CRLF2: variants seen among roughly 807,000 people sequenced by gnomAD.
CRLF2 encodes cytokine receptor like factor 2, also known as cytokine receptor-like factor 2.
In CRLF2, 41 loss-of-function variants were observed where a neutral mutation model predicts 38.7. That is an observed-to-expected ratio of 1.06 (90% CI 0.83 to 1.37). The LOEUF is 1.37. Among genes scored for constraint, CRLF2 ranks in the 40% most tolerant of loss-of-function variants. The probability of loss-of-function intolerance (pLI) is 0.00; values close to 1 mark genes in which losing one functional copy is unlikely to be tolerated. For missense variants in CRLF2, 377 were observed against 322.2 expected (o/e 1.17, Z -1.30); for synonymous variants, 140 against 128.8 (o/e 1.09, Z -0.59).
chrX:1,212,003 A>G lies in CRLF2; in HGVS notation c.79+553T>C, dbSNP rs1435995306. 4.9e-5 allele frequency among the ~76,000 whole-genome samples: 7 copies of G among 144,104 alleles called. No individual in the cohort carries two copies. The South Asian group carries it at 1.7e-3, about 35-fold the overall frequency. The allele number at this position is 144,104 out of a possible 152,430, so 94.5% of individuals were successfully genotyped here. A position where few individuals can be genotyped will look rare whatever the true frequency, so the allele number is the denominator to read the frequency against. On this transcript the variant is annotated intron_variant, in intron 1 of 7. Coordinates refer to ENST00000400841, the MANE Select transcript of CRLF2 (RefSeq NM_022148.4). Reference sequence around the variant, plus strand: ...GGATGGATAGATAACAGCTGGGTGGATGGTGGATGGATGGATGAGTGAATG... The same window carrying G: ...GGATGGATAGATAACAGCTGGGTGGGTGGTGGATGGATGGATGAGTGAATG...
At chrX:1,202,374 C>T (rs147147255) in intron 4 of CRLF2, 28 bp downstream of exon 4, 18 of 1,612,934 alleles carry the variant, frequency 1.1e-5, no homozygotes, top group African/African-American at 2.7e-5. Flanking sequence ...CAGCCACCAT[C>T]GCCCTGAGTC....
intron 3 of CRLF2, among the ~76,000 whole-genome samples, chrX:1,203,075 G>A (rs1476177443): frequency 9.5e-5 from 13 of 137,358 alleles, no homozygotes; most frequent in Non-Finnish European, 1.7e-4. Flanking sequence ...TCCAGCCTGG[G>A]TGACAGAGCG....
rs1220089968 is a variant in CRLF2, at chrX:1,195,786, TTA to T, written c.767+992_767+993del. Among the ~76,000 whole-genome samples the T allele has an allele frequency of 7.4e-3, 864 of 117,374 alleles. 3 individuals are homozygous for T. Among genetic ancestry groups the T allele is most frequent in the Middle Eastern group, 0.031 (8 of 260 alleles). The allele number at this position is 117,374 out of a possible 152,430, so 77.0% of individuals were successfully genotyped here. A position where few individuals can be genotyped will look rare whatever the true frequency, so the allele number is the denominator to read the frequency against. On this transcript the variant is annotated intron_variant, in intron 6 of 7. Transcript: ENST00000400841. Reference sequence around the variant, plus strand: ...ATATTATATATATATTTATATAATTTTATATATATTTATATATTATATATTAA... The same window carrying T: ...ATATTATATATATATTTATATAATTTTATATATTTATATATTATATATTAA...
At chrX:1,210,121 G>GAAAAGAAAAGAA (rs1459121223) in intron 1 of CRLF2, among the ~76,000 whole-genome samples, 1 of 48,022 alleles carries the variant, frequency 2.1e-5, no homozygotes, top group Non-Finnish European at 3.8e-5. Flanking sequence ...AAAAAGAAAA[G>GAAAAGAAAAGAA]AAAAGAAAAG....
intron 7 of CRLF2, among the ~76,000 whole-genome samples, chrX:1,191,971 C>T (rs1371288987): frequency 0.24 from 35,020 of 146,920 alleles, 4,472 homozygotes; most frequent in Non-Finnish European, 0.28. Flanking sequence ...TTTGGGAGGC[C>T]AAGGTGGGTG....
rs1438717871 is a variant in CRLF2 at position 1,190,530 on chromosome X, A to G, written c.*367T>C. ...AAAAATCCTCCGAGAATCCAATGCT[A>G]TGGGAATGGTACATGGACGGAACTG... On this transcript the variant is annotated 3_prime_UTR_variant, in exon 8 of 8. Transcript: ENST00000400841. 1.1e-5 allele frequency: 3 copies of G among 275,216 alleles called. No individual in the cohort carries two copies. Among genetic ancestry groups the G allele is most frequent in the Admixed American group, 5.3e-5 (1 of 18,866 alleles). The allele number at this position is 275,216 out of a possible 1,614,324, so 17.0% of individuals were successfully genotyped here.
At chrX:1,206,681 C>A in intron 2 of CRLF2, 82 bp from the exon 3 acceptor site, 2 of 1,416,970 alleles carry the variant, frequency 1.4e-6, no homozygotes, top group Non-Finnish European at 2.0e-6. Flanking sequence ...TTGCTCTTGT[C>A]GCCCAGGTTG....
chrX:1,192,763 T>TTTTTC (rs2086415366), intron 7 of CRLF2, among the ~76,000 whole-genome samples: 13 of 133,990 alleles, frequency 9.7e-5, no homozygotes, highest in Non-Finnish European at 1.7e-4. Context: ...TTTCTTTCTT[T>TTTTTC]CTTTCCTTCC....
At chrX:1,209,543 G>T (rs1249242198) in intron 1 of CRLF2, among the ~76,000 whole-genome samples, 1 of 151,396 alleles carries the variant, frequency 6.6e-6, no homozygotes, top group African/African-American at 2.4e-5. Flanking sequence ...GTGTTAGCCA[G>T]GATGGTCTCG....
intron 1 of CRLF2, among the ~76,000 whole-genome samples, chrX:1,210,798 A>G (rs2086783561): frequency 6.6e-6 from 1 of 152,176 alleles, no homozygotes; most frequent in Non-Finnish European, 1.5e-5. Flanking sequence ...AGACACAGAT[A>G]GATAGGGATG....
chrX:1,196,239 G>C (rs1441595893), intron 6 of CRLF2, among the ~76,000 whole-genome samples: 1 of 146,118 alleles, frequency 6.8e-6, no homozygotes, highest in Non-Finnish European at 1.5e-5. Flanking sequence ...CCAGGCTGGA[G>C]TGCAGTGGCG....
rs1161337085 is a variant in CRLF2 at position 1,207,629 on chromosome X, C to CT, written c.183-1031dup. On this transcript the variant is annotated intron_variant, in intron 2 of 7. Coordinates refer to ENST00000400841, the MANE Select transcript of CRLF2 (RefSeq NM_022148.4). ...CTGCAACTACGTGCAAAATCCAGCA[C>CT]TTTTTTTTTTCTTTTTGTGAGGTTT... Among the ~76,000 whole-genome samples, 1,155 of 146,624 alleles carry CT rather than the reference C, an allele frequency of 7.9e-3. 8 individuals are homozygous for CT. Among genetic ancestry groups the CT allele is most frequent in the African/African-American group, 0.027 (1,060 of 39,812 alleles).
intron 7 of CRLF2, among the ~76,000 whole-genome samples, chrX:1,192,601 CCTTT>C (rs1233943680): frequency 1.3e-5 from 2 of 150,732 alleles, no homozygotes; most frequent in African/African-American, 4.9e-5. Flanking sequence ...TTCCTTTCTT[CCTTT>C]CTTTCTTTCC....
At chrX:1,211,361 A>ATGGG (rs1491326105) in intron 1 of CRLF2, among the ~76,000 whole-genome samples, 3 of 61,544 alleles carry the variant, frequency 4.9e-5, no homozygotes, top group Admixed American at 1.9e-4. Flanking sequence ...GGATGGGTGG[A>ATGGG]TGGATGGATG....
intron 5 of CRLF2, among the ~76,000 whole-genome samples, chrX:1,197,610 T>C (rs1417724794): frequency 6.6e-6 from 1 of 151,620 alleles, no homozygotes; most frequent in Non-Finnish European, 1.5e-5. Context: ...GGTCAGGAGT[T>C]CGAGACCAGC....
chrX:1,195,863 T>A (rs1305781269), intron 6 of CRLF2, among the ~76,000 whole-genome samples: 1 of 140,876 alleles, frequency 7.1e-6, no homozygotes, highest in Non-Finnish European at 1.5e-5. Flanking sequence ...TTTATATAGA[T>A]TAAATTAAAT....
intron 2 of CRLF2, among the ~76,000 whole-genome samples, chrX:1,207,978 T>A (rs12860106): frequency 0.45 from 69,143 of 151,976 alleles, 16,571 homozygotes; most frequent in African/African-American, 0.6. Flanking sequence ...TTGCCGTTTA[T>A]CTCTTTTGTT....
At chrX:1,209,777 C>G (rs1250517818) in intron 1 of CRLF2, among the ~76,000 whole-genome samples, 1 of 152,036 alleles carries the variant, frequency 6.6e-6, no homozygotes, top group Non-Finnish European at 1.5e-5. Flanking sequence ...ATCCACCTTA[C>G]TGTCTTTCTC....
intron 7 of CRLF2, among the ~76,000 whole-genome samples, chrX:1,192,740 C>G (rs1361283111): frequency 8.8e-6 from 1 of 113,002 alleles, no homozygotes; most frequent in Non-Finnish European, 1.9e-5. Flanking sequence ...TTCTTTCTTT[C>G]TTTCTTTCTT....
Sources: allele counts gnomAD v4.1 joint callset (sites outside exome capture counted in the v4.1 genomes callset), GRCh38; gene constraint gnomAD v4.1.1; transcripts MANE v1.5; gene names NCBI Gene and HGNC (gene_info 2026-07-23, HGNC 2026-07-21).